NPSR1: variants seen among roughly 807,000 people sequenced by gnomAD.
The protein encoded by NPSR1 is neuropeptide S receptor 1.
A neutral mutation model predicts 46.9 loss-of-function variants in NPSR1; 48 were observed. The ratio of observed to expected loss-of-function variants is 1.02; its 90% CI spans 0.81 to 1.30. NPSR1 has a LOEUF of 1.30. Among genes scored for constraint, NPSR1 ranks in the 50% most tolerant of loss-of-function variants. NPSR1 has a pLI of 0.00. For synonymous variants in NPSR1, 176 were observed against 168.1 expected (o/e 1.05, Z -0.36); for missense variants, 450 against 449.5 (o/e 1.00, Z -0.01).
At chr7:34,864,020 C>T (rs1791249217) in intron 8 of NPSR1, among the ~76,000 whole-genome samples, 1 of 151,958 alleles carries the variant, frequency 6.6e-6, no homozygotes, top group Admixed American at 6.5e-5. Flanking sequence ...GGCACATATA[C>T]ACCATAGAAT....
intron 4 of NPSR1, among the ~76,000 whole-genome samples, chr7:34,816,012 C>T (rs528009436): frequency 4.6e-5 from 7 of 152,076 alleles, no homozygotes; most frequent in African/African-American, 1.4e-4. Flanking sequence ...CATCAACTAA[C>T]GGGCAAAATA....
intron 2 of NPSR1, among the ~76,000 whole-genome samples, chr7:34,745,127 T>C (rs1487768642): frequency 1.3e-5 from 2 of 152,210 alleles, no homozygotes; most frequent in African/African-American, 2.4e-5. Flanking sequence ...GACAACTATA[T>C]TGGCATCCTT....
At position 34,747,215 on chromosome 7, in the gene NPSR1, G is replaced by A. The variant is rs1382124950; in HGVS notation, c.281-31247G>A. 2.6e-5 allele frequency among the ~76,000 whole-genome samples: 4 copies of A among 151,658 alleles called. No individual in the cohort carries two copies. In the East Asian group the frequency reaches 7.7e-4, roughly 29 times the overall value. ...TGAAGAGGATTTGGGGCATGAAATA[G>A]GAGCTGCAGGTTGGAGAACATCACA... On this transcript the variant is annotated intron_variant, in intron 2 of 8. Transcript: ENST00000360581.
intron 8 of NPSR1, among the ~76,000 whole-genome samples, chr7:34,856,879 G>T (rs1791061733): frequency 6.6e-6 from 1 of 151,478 alleles, no homozygotes; most frequent in Non-Finnish European, 1.5e-5. Context: ...CCTGGTAAGA[G>T]AACTGAAAAC....
intron 2 of NPSR1, among the ~76,000 whole-genome samples, chr7:34,748,472 G>A (rs1785329990): frequency 6.6e-6 from 1 of 152,130 alleles, no homozygotes; most frequent in South Asian, 2.1e-4. Flanking sequence ...ATGAGACTAG[G>A]GGTGGTGGCA....
At chr7:34,839,881 G>A (rs78745840) in intron 6 of NPSR1, among the ~76,000 whole-genome samples, 11,550 of 152,178 alleles carry the variant, frequency 0.076, 572 homozygotes, top group Middle Eastern at 0.19. Context: ...TCTTCCCAGC[G>A]TCCCTTAGGC....
At chr7:34,737,831 G>T (rs1000742997) in intron 2 of NPSR1, among the ~76,000 whole-genome samples, 3 of 151,978 alleles carry the variant, frequency 2.0e-5, no homozygotes, top group African/African-American at 7.3e-5. Flanking sequence ...TCATGTCTTG[G>T]GGCTTTTAAA....
intron 3 of NPSR1, among the ~76,000 whole-genome samples, chr7:34,780,646 C>T (rs1357902572): frequency 6.6e-6 from 1 of 152,132 alleles, no homozygotes; most frequent in Non-Finnish European, 1.5e-5. Context: ...TTATTCTCAG[C>T]CCCCAGTATC....
rs1787786908 is a variant in NPSR1, at chr7:34,790,988, A to ATATGT, written c.384+12426_384+12427insGTTAT. Among the ~76,000 whole-genome samples the ATATGT allele has an allele frequency of 3.2e-5, 3 of 92,682 alleles. 1 individual carries two copies. Among genetic ancestry groups the ATATGT allele is most frequent in the African/African-American group, 1.4e-4 (3 of 22,106 alleles). 60.8% of individuals were successfully genotyped at this position (92,682 alleles called of 152,430 possible). The stretch of plus-strand genomic sequence containing the variant: ...TATTATATATGTTATATGTTATATT[A>ATATGT]TATATGTTATATGTTATATGTTATA... On this transcript the variant is annotated intron_variant, in intron 3 of 8. Transcript: ENST00000360581.
chr7:34,867,791 C>T (rs1442051028), intron 8 of NPSR1, among the ~76,000 whole-genome samples: 1 of 151,844 alleles, frequency 6.6e-6, no homozygotes, highest in Non-Finnish European at 1.5e-5. Context: ...CATTGCACTC[C>T]CAGCCTTTCA....
chr7:34,853,799 T>G (rs554974062), downstream of NPSR1, among the ~76,000 whole-genome samples: 1 of 152,134 alleles, frequency 6.6e-6, no homozygotes, highest in South Asian at 2.1e-4. Flanking sequence ...AACCCGTCTG[T>G]ACTAAAAATA....
intron 8 of NPSR1, among the ~76,000 whole-genome samples, chr7:34,875,120 A>C (rs2128771070): frequency 6.6e-6 from 1 of 152,346 alleles, no homozygotes. Flanking sequence ...CACTCTTTGC[A>C]TATTTATTGG....
chr7:34,687,218 T>C (rs1398952144), intron 2 of NPSR1, among the ~76,000 whole-genome samples: 2 of 152,114 alleles, frequency 1.3e-5, no homozygotes, highest in Non-Finnish European at 2.9e-5. Context: ...CTAGTTACAA[T>C]GATAAACAGA....
intron 4 of NPSR1, 41 bp downstream of exon 4, chr7:34,811,904 C>T: frequency 7.7e-7 from 1 of 1,291,910 alleles, no homozygotes; most frequent in Non-Finnish European, 1.1e-6. Context: ...AAAGAACTGT[C>T]CTTGAGTGAG....
At chr7:34,699,679 C>T (rs1413065728) in intron 2 of NPSR1, among the ~76,000 whole-genome samples, 1 of 152,156 alleles carries the variant, frequency 6.6e-6, no homozygotes, top group Non-Finnish European at 1.5e-5. Context: ...TGTGCCGTCT[C>T]TTCTTGTAGG....
chr7:34,697,250 A>G (rs1188059605), intron 2 of NPSR1, among the ~76,000 whole-genome samples: 1 of 151,962 alleles, frequency 6.6e-6, no homozygotes, highest in Non-Finnish European at 1.5e-5. Flanking sequence ...AGATCTGGGT[A>G]GTTAAAGATG....
chr7:34,732,915 AAG>A (rs1268417817), intron 2 of NPSR1, among the ~76,000 whole-genome samples: 3 of 152,212 alleles, frequency 2.0e-5, no homozygotes, highest in African/African-American at 7.2e-5. Context: ...TTGGACAGAA[AAG>A]AGAGTTCTGG....
chr7:34,703,598 G>T (rs1176526147), intron 2 of NPSR1, among the ~76,000 whole-genome samples: 2 of 151,578 alleles, frequency 1.3e-5, no homozygotes, highest in African/African-American at 4.8e-5. Context: ...CCACAATTTT[G>T]ATCCCTTCAA....
chr7:34,703,731 A>C (rs970806018), intron 2 of NPSR1: 1 of 152,762 alleles, frequency 6.5e-6, no homozygotes, highest in African/African-American at 2.4e-5. Context: ...TGTAATTCTT[A>C]GAATTTCCAT....
Sources: allele counts gnomAD v4.1 joint callset (sites outside exome capture counted in the v4.1 genomes callset), GRCh38; gene constraint gnomAD v4.1.1; transcripts MANE v1.5; gene names NCBI Gene and HGNC (gene_info 2026-07-23, HGNC 2026-07-21).